PITPNC1: variants seen among roughly 807,000 people sequenced by gnomAD.
PITPNC1 encodes the protein phosphatidylinositol transfer protein cytoplasmic 1.
Under a neutral mutation model 44.7 loss-of-function variants are expected in PITPNC1, and 18 were observed. The observed-to-expected ratio is 0.40, with a 90% CI of 0.28 to 0.60. The LOEUF is 0.60. Ranked by LOEUF, PITPNC1 falls within the 20% of genes least tolerant of loss-of-function variation. The probability of loss-of-function intolerance (pLI) is 0.39; values close to 1 mark genes in which losing one functional copy is unlikely to be tolerated. For missense variants in PITPNC1, 290 were observed against 418.4 expected, an observed-to-expected ratio of 0.69 and a Z score of 2.68; for synonymous variants, 141 against 149.6, an observed-to-expected ratio of 0.94 and a Z score of 0.42.
At position 67,525,715 on chromosome 17, in the gene PITPNC1, CTG is replaced by C. The variant is rs1377941533; in HGVS notation, c.49-7084_49-7083del. Among the ~76,000 whole-genome samples, 25 of 152,284 alleles carry C rather than the reference CTG, an allele frequency of 1.6e-4. No homozygotes were observed. The East Asian group carries it at 2.5e-3, about 15-fold the overall frequency. ...TGTGCCTCCTGAAGCAATTGCTTCC[CTG>C]TGCTTTGAGGTCCAGCAGAGGTAAC... On this transcript the variant is annotated intron_variant, in intron 1 of 8. Coordinates refer to ENST00000581322, the MANE Select transcript of PITPNC1 (RefSeq NM_012417.4).
intron 1 of PITPNC1, among the ~76,000 whole-genome samples, chr17:67,448,199 G>A (rs986597182): frequency 1.3e-5 from 2 of 151,782 alleles, no homozygotes; most frequent in South Asian, 4.2e-4. Context: ...CGCCCGCCTT[G>A]GCCTCCCAAA....
chr17:67,530,681 A>T (rs565256457), intron 1 of PITPNC1, among the ~76,000 whole-genome samples: 4 of 152,304 alleles, frequency 2.6e-5, no homozygotes, highest in African/African-American at 9.6e-5. Flanking sequence ...TCTATGGCTG[A>T]ATAATATCCC....
chr17:67,632,056 C>T, intron 5 of PITPNC1, 87 bp from the exon 6 acceptor site: 1 of 767,122 alleles, frequency 1.3e-6, no homozygotes, highest in South Asian at 1.5e-5. Flanking sequence ...TGTGAAGATG[C>T]TCTGTGTGGG....
At chr17:67,490,440 T>A (rs113567890) in intron 1 of PITPNC1, among the ~76,000 whole-genome samples, 1,571 of 152,154 alleles carry the variant, frequency 0.01, 25 homozygotes, top group African/African-American at 0.035. Context: ...ATGATTTTTT[T>A]AAAAATGTCC....
At chr17:67,429,265 A>C (rs1409508976) in intron 1 of PITPNC1, among the ~76,000 whole-genome samples, 1 of 152,214 alleles carries the variant, frequency 6.6e-6, no homozygotes, top group Non-Finnish European at 1.5e-5. Flanking sequence ...GATTTCATGA[A>C]CCACTGATGG....
At chr17:67,541,099 C>T (rs373852590) in intron 2 of PITPNC1, among the ~76,000 whole-genome samples, 234 of 152,256 alleles carry the variant, frequency 1.5e-3, no homozygotes, top group African/African-American at 5.2e-3. Flanking sequence ...CCTGTAATCC[C>T]AGCTACTCGG....
intron 1 of PITPNC1, among the ~76,000 whole-genome samples, chr17:67,407,751 G>A (rs571775347): frequency 2.6e-4 from 40 of 151,730 alleles, no homozygotes; most frequent in African/African-American, 9.4e-4. Flanking sequence ...CCGAGATCAC[G>A]CCATTGCACT....
At position 67,425,203 on chromosome 17, in the gene PITPNC1, GCA is replaced by G. The variant is rs60705271; in HGVS notation, c.48+47060_48+47061del. On this transcript the variant is annotated intron_variant, in intron 1 of 8. Transcript: ENST00000581322. ...CCATGTTGTGCGCGCGCACGCACAC[GCA>G]CACACACACACACACACACACACAC... 2.2e-3 allele frequency among the ~76,000 whole-genome samples: 214 copies of G among 98,808 alleles called. 5 individuals are homozygous for G. Among genetic ancestry groups the G allele is most frequent in the East Asian group, 9.8e-3 (27 of 2,754 alleles). 64.8% of individuals were successfully genotyped at this position (98,808 alleles called of 152,430 possible). A position where few individuals can be genotyped will look rare whatever the true frequency, so the allele number is the denominator to read the frequency against.
At chr17:67,458,158 C>G (rs1034218129) in intron 1 of PITPNC1, among the ~76,000 whole-genome samples, 23 of 152,294 alleles carry the variant, frequency 1.5e-4, no homozygotes, top group African/African-American at 5.1e-4. Flanking sequence ...CTCCATCATA[C>G]CTACACCATG....
chr17:67,644,681 C>T (rs1015772428), intron 6 of PITPNC1, among the ~76,000 whole-genome samples: 2 of 151,972 alleles, frequency 1.3e-5, no homozygotes, highest in South Asian at 2.1e-4. Context: ...GTGATCCACT[C>T]GCCAAAGTGC....
intron 5 of PITPNC1, among the ~76,000 whole-genome samples, chr17:67,585,359 C>A (rs150546318): frequency 6.6e-6 from 1 of 152,252 alleles, no homozygotes; most frequent in South Asian, 2.1e-4. Flanking sequence ...TATGTTCCCC[C>A]ACCCCAGGTT....
chr17:67,535,099 G>C (rs2040510533), intron 2 of PITPNC1, among the ~76,000 whole-genome samples: 1 of 152,308 alleles, frequency 6.6e-6, no homozygotes, highest in South Asian at 2.1e-4. Flanking sequence ...GCAGTACCAG[G>C]GAATTCCTGA....
chr17:67,553,915 A>G (rs182832958), intron 4 of PITPNC1, among the ~76,000 whole-genome samples: 2 of 152,326 alleles, frequency 1.3e-5, no homozygotes, highest in East Asian at 3.9e-4. Context: ...TCACTATAAT[A>G]AAAGAACAGT....
At chr17:67,558,603 A>G (rs1018246514) in intron 4 of PITPNC1, among the ~76,000 whole-genome samples, 2 of 152,188 alleles carry the variant, frequency 1.3e-5, no homozygotes, top group African/African-American at 4.8e-5. Flanking sequence ...AATGGATAGC[A>G]GGGACCTAGA....
At chr17:67,615,664 G>A (rs2041748818) in intron 5 of PITPNC1, among the ~76,000 whole-genome samples, 1 of 152,160 alleles carries the variant, frequency 6.6e-6, no homozygotes, top group Non-Finnish European at 1.5e-5. Context: ...TGGCCCGTGA[G>A]TGTCTCCAGG....
At chr17:67,512,087 A>G (rs1383030259) in intron 1 of PITPNC1, among the ~76,000 whole-genome samples, 1 of 152,156 alleles carries the variant, frequency 6.6e-6, no homozygotes, top group African/African-American at 2.4e-5. Context: ...CCCTGCCCCA[A>G]GGCTAGAGAG....
intron 1 of PITPNC1, among the ~76,000 whole-genome samples, chr17:67,384,969 C>G (rs1279483728): frequency 2.6e-5 from 4 of 152,138 alleles, no homozygotes; most frequent in Non-Finnish European, 5.9e-5. Context: ...AAAAAGTTTT[C>G]TCAAGAACGA....
intron 2 of PITPNC1, among the ~76,000 whole-genome samples, chr17:67,536,181 A>G (rs545766663): frequency 6.6e-6 from 1 of 152,344 alleles, no homozygotes; most frequent in African/African-American, 2.4e-5. Context: ...AACACAGAAG[A>G]TGGGAGGGTA....
chr17:67,599,433 A>G (rs536775137), intron 5 of PITPNC1, among the ~76,000 whole-genome samples: 3 of 152,264 alleles, frequency 2.0e-5, no homozygotes, highest in African/African-American at 7.2e-5. Context: ...TAAAATGAAA[A>G]GAAGGGCAAG....
Sources: gnomAD v4.1 joint callset for allele counts (sites outside exome capture counted in the v4.1 genomes callset) on GRCh38, gnomAD v4.1.1 for gene constraint, MANE v1.5 for transcripts, NCBI Gene and HGNC (gene_info 2026-07-23, HGNC 2026-07-21) for gene names.